Variants in RYR2 observed in about 807,000 individuals in gnomAD.
RYR2 encodes the protein ryanodine receptor 2, also known as cardiac muscle ryanodine receptor-calcium release channel.
RYR2 carries 227 observed loss-of-function variants against 601.1 expected under a neutral mutation model. The observed-to-expected ratio is 0.38, with a 90% CI of 0.34 to 0.42. The LOEUF is 0.42. Ranked by LOEUF, RYR2 falls within the 10% of genes least tolerant of loss-of-function variation. The probability of loss-of-function intolerance (pLI) is 1.00; values close to 1 mark genes in which losing one functional copy is unlikely to be tolerated. For missense variants in RYR2, 4,646 were observed against 6,156.5 expected, an observed-to-expected ratio of 0.75 and a Z score of 8.21; for synonymous variants, 2,223 against 2,175.1, an observed-to-expected ratio of 1.02 and a Z score of -0.61.
At chr1:237,718,801 A>C (rs1191240178) in intron 73 of RYR2, among the ~76,000 whole-genome samples, 3 of 152,120 alleles carry the variant, frequency 2.0e-5, no homozygotes, top group African/African-American at 7.2e-5. Context: ...ATTATACTTT[A>C]AGTTTTAGGG....
At chr1:237,506,179 G>A (rs1029857161) in intron 22 of RYR2, among the ~76,000 whole-genome samples, 1 of 147,258 alleles carries the variant, frequency 6.8e-6, no homozygotes, top group Non-Finnish European at 1.5e-5. Flanking sequence ...TTTTTTTCTG[G>A]TGGCTCATAA....
chr1:237,396,014 C>G (rs1702822450), intron 10 of RYR2, among the ~76,000 whole-genome samples: 1 of 152,166 alleles, frequency 6.6e-6, no homozygotes, highest in South Asian at 2.1e-4. Flanking sequence ...AATCTGCATA[C>G]AAATGCTATT....
intron 29 of RYR2, among the ~76,000 whole-genome samples, chr1:237,572,233 C>T (rs974580960): frequency 6.6e-6 from 1 of 152,076 alleles, no homozygotes; most frequent in African/African-American, 2.4e-5. Context: ...TCTACACTGG[C>T]TGCTACTATG....
chr1:237,665,844 A>T (rs1573417615), intron 56 of RYR2, among the ~76,000 whole-genome samples: 1 of 152,198 alleles, frequency 6.6e-6, no homozygotes, highest in East Asian at 1.9e-4. Flanking sequence ...TATGGAAAAT[A>T]TCAAGATATA....
intron 35 of RYR2, among the ~76,000 whole-genome samples, chr1:237,608,385 C>T (rs2148553103): frequency 6.6e-6 from 1 of 152,146 alleles, no homozygotes; most frequent in Admixed American, 6.6e-5. Flanking sequence ...CTTTGGTGGC[C>T]TTGCCAGAAG....
chr1:237,355,527 A>G (rs925162422), intron 3 of RYR2, among the ~76,000 whole-genome samples: 1 of 152,176 alleles, frequency 6.6e-6, no homozygotes, highest in Admixed American at 6.5e-5. Context: ...GATTAGAGTA[A>G]GAGAAATTTT....
In RYR2 at chr1:237,229,602, C is replaced by T. The variant is rs114173853; in HGVS notation, c.49-40895C>T. Among the ~76,000 whole-genome samples, 1,019 of 152,280 alleles carry T rather than the reference C, an allele frequency of 6.7e-3. 9 individuals carry two copies. The highest frequency in any genetic ancestry group is 0.023 in the African/African-American group (962 of 41,572). ...GGAAGGCTGTAAACATCCCCGAGTTCCTGTTGGGACATTGAGTTCATTGCC... is the reference window on the plus strand; with the variant it reads ...GGAAGGCTGTAAACATCCCCGAGTTTCTGTTGGGACATTGAGTTCATTGCC... On this transcript the variant is annotated intron_variant, in intron 1 of 104. Transcript: ENST00000366574.
intron 1 of RYR2, among the ~76,000 whole-genome samples, chr1:237,208,986 G>GTATGTATGTATATATATATTATATA (rs1682223753): frequency 1.2e-5 from 1 of 86,392 alleles, no homozygotes; most frequent in African/African-American, 4.9e-5. Flanking sequence ...ATATATATAT[G>GTATGTATGTATATATATATTATATA]TATACTGTAA....
chr1:237,140,821 T>C (rs1340732248), intron 1 of RYR2, among the ~76,000 whole-genome samples: 1 of 152,204 alleles, frequency 6.6e-6, no homozygotes, highest in Non-Finnish European at 1.5e-5. Context: ...CCATCTATAA[T>C]ACAATGACCT....
At position 237,067,902 on chromosome 1, in the gene RYR2, C is replaced by G. The variant is rs557849154; in HGVS notation, c.48+25333C>G. On this transcript the variant is annotated intron_variant, in intron 1 of 104. Transcript: ENST00000366574. ...ACCTGCAGACATGTCAATTTCACAT[C>G]ATTTCTCTTTGATGGTAGTGAACCT... Among the ~76,000 whole-genome samples, 28 of 152,226 alleles carry G rather than the reference C, an allele frequency of 1.8e-4. No individual in the cohort carries two copies. In the South Asian group the frequency reaches 5.4e-3, roughly 29 times the overall value.
intron 95 of RYR2, among the ~76,000 whole-genome samples, chr1:237,794,540 C>T (rs566199846): frequency 7.7e-4 from 117 of 152,234 alleles, no homozygotes; most frequent in African/African-American, 2.8e-3. Context: ...GAGATCAAGA[C>T]CCAAACTACT....
chr1:237,152,575 G>C (rs920520153), intron 1 of RYR2, among the ~76,000 whole-genome samples: 1 of 152,026 alleles, frequency 6.6e-6, no homozygotes, highest in Non-Finnish European at 1.5e-5. Context: ...ATCTCATTGT[G>C]GTTTTGATTT....
intron 74 of RYR2, among the ~76,000 whole-genome samples, chr1:237,723,934 A>G (rs1331337364): frequency 6.6e-6 from 1 of 151,984 alleles, no homozygotes; most frequent in Non-Finnish European, 1.5e-5. Context: ...TCATATTTTT[A>G]CAGAAGAGAT....
In RYR2 at chr1:237,654,420, T is replaced by C. The variant is rs773987810; in HGVS notation, c.7965+6T>C. 6.2e-7 allele frequency: 1 copy of C among 1,613,500 alleles called. No homozygotes were observed. The highest frequency in any genetic ancestry group is 8.5e-7 in the Non-Finnish European group (1 of 1,179,672). ...TTGATGCCCTGTCTCAAAAGGTAAT[T>C]TAATGGTTTGTGGGTTTGTTTGTAT... On this transcript the variant is annotated splice_donor_region_variant and intron_variant, in intron 52 of 104. Transcript: ENST00000366574.
chr1:237,566,941 A>C (rs945520749), intron 28 of RYR2, among the ~76,000 whole-genome samples, 166 bp downstream of exon 28: 10 of 152,214 alleles, frequency 6.6e-5, no homozygotes, highest in African/African-American at 2.4e-4. Flanking sequence ...CCTTCCCTAC[A>C]ACCCATGAAT....
rs570371238 is a variant in RYR2, at chr1:237,499,999, T to G, written c.2204-712T>G. Among the ~76,000 whole-genome samples, 278 of 152,302 alleles carry G rather than the reference T, an allele frequency of 1.8e-3. 2 individuals carry two copies. Among genetic ancestry groups the G allele is most frequent in the African/African-American group, 6.4e-3 (264 of 41,574 alleles). On this transcript the variant is annotated intron_variant, in intron 20 of 104. Coordinates refer to ENST00000366574, the MANE Select transcript of RYR2 (RefSeq NM_001035.3). ...AAATAACATTTATCCAATATCATTT[T>G]CACACCTCCAGTTATATCCTGCTTT...
intron 1 of RYR2, among the ~76,000 whole-genome samples, chr1:237,059,974 C>T (rs1308076850): frequency 2.6e-5 from 4 of 152,124 alleles, no homozygotes; most frequent in South Asian, 4.1e-4. Flanking sequence ...AAAATGGTTT[C>T]CACATAGTTA....
At position 237,238,240 on chromosome 1, in the gene RYR2, G is replaced by A. The variant is rs980224757; in HGVS notation, c.49-32257G>A. On this transcript the variant is annotated intron_variant, in intron 1 of 104. Transcript: ENST00000366574. The stretch of plus-strand genomic sequence containing the variant: ...CCTTCCTCAGCCTCCCAAAGTGCTG[G>A]GATTACAGGCGTGAGCCACTGTGCC... Among the ~76,000 whole-genome samples the A allele has an allele frequency of 7.9e-5, 12 of 152,020 alleles. 1 individual carries two copies. Among genetic ancestry groups the A allele is most frequent in the Non-Finnish European group, 1.8e-4 (12 of 68,020 alleles).
chr1:237,441,521 T>C, intron 13 of RYR2, 38 bp downstream of exon 13: 1 of 1,437,914 alleles, frequency 7.0e-7, no homozygotes, highest in Non-Finnish European at 9.2e-7. Context: ...ATAGAAGTAA[T>C]TTTTTATGAA....
Sources: gnomAD v4.1 joint callset for allele counts (sites outside exome capture counted in the v4.1 genomes callset) on GRCh38, gnomAD v4.1.1 for gene constraint, MANE v1.5 for transcripts, NCBI Gene and HGNC (gene_info 2026-07-23, HGNC 2026-07-21) for gene names.